Variants in MAPKAP1 observed in about 807,000 individuals in gnomAD.
MAPKAP1 encodes the protein target of rapamycin complex 2 subunit MAPKAP1.
A neutral mutation model predicts 65.7 loss-of-function variants in MAPKAP1; 20 were observed. The observed-to-expected ratio is 0.30, with a 90% CI of 0.21 to 0.44. The LOEUF (loss-of-function observed/expected upper bound fraction) is 0.44, where lower values mean the gene tolerates loss of function less well. MAPKAP1 is among the 20% of genes least tolerant of loss of function. MAPKAP1 has a pLI of 1.00. For missense variants in MAPKAP1, 423 were observed against 648.0 expected (o/e 0.65, Z 3.77); for synonymous variants, 222 against 244.3 (o/e 0.91, Z 0.85).
chr9:125,688,190 T>C (rs545019808), intron 1 of MAPKAP1, among the ~76,000 whole-genome samples: 32 of 152,220 alleles, frequency 2.1e-4, no homozygotes, highest in South Asian at 6.2e-4. Flanking sequence ...CCAGGCTAGA[T>C]TGCAATGGTG....
chr9:125,591,761 A>G (rs181282565), intron 4 of MAPKAP1, among the ~76,000 whole-genome samples: 112 of 152,324 alleles, frequency 7.4e-4, no homozygotes, highest in Middle Eastern at 3.4e-3. Context: ...AATCATCTAA[A>G]ACATAAAACA....
chr9:125,573,084 GT>G lies in MAPKAP1; in HGVS notation c.671+12470del, dbSNP rs1395069692. ...CCTCTGCAACTCTTACGATTAAAGA[GT>G]TCTCTTATAAAAGGGGGGGGGGGGG... is the stretch of plus-strand genomic sequence containing the variant. On this transcript the variant is annotated intron_variant, in intron 5 of 11. Coordinates refer to ENST00000265960, the MANE Select transcript of MAPKAP1 (RefSeq NM_001006617.3). The G allele has an allele frequency of 5.4e-5, 4 of 73,776 alleles. No homozygotes were observed. The Admixed American group carries it at 8.1e-4, about 15-fold the overall frequency. 4.6% of individuals were successfully genotyped at this position (73,776 alleles called of 1,614,324 possible).
intron 4 of MAPKAP1, among the ~76,000 whole-genome samples, chr9:125,648,945 AAAG>A (rs1314049833): frequency 6.6e-6 from 1 of 152,142 alleles, no homozygotes. Context: ...TCAAAAAAAA[AAAG>A]AAAAGAAAAT....
At chr9:125,620,235 G>A (rs753289646) in intron 4 of MAPKAP1, among the ~76,000 whole-genome samples, 3 of 152,222 alleles carry the variant, frequency 2.0e-5, no homozygotes, top group Non-Finnish European at 4.4e-5. Context: ...CTTGAACCCA[G>A]GAGGTGGAGG....
At chr9:125,510,085 C>T (rs926256643) in intron 7 of MAPKAP1, among the ~76,000 whole-genome samples, 1 of 152,124 alleles carries the variant, frequency 6.6e-6, no homozygotes, top group Non-Finnish European at 1.5e-5. Flanking sequence ...CTTATTGAAT[C>T]CTCACAGTAA....
intron 7 of MAPKAP1, among the ~76,000 whole-genome samples, chr9:125,515,982 A>G (rs1170335673): frequency 6.6e-6 from 1 of 152,250 alleles, no homozygotes; most frequent in Non-Finnish European, 1.5e-5. Context: ...GATGATGATG[A>G]TTAAAGTTTA....
intron 10 of MAPKAP1, among the ~76,000 whole-genome samples, chr9:125,458,877 C>T (rs1289260202): frequency 1.4e-3 from 12 of 8,484 alleles, no homozygotes; most frequent in East Asian, 4.5e-3. Context: ...CCGGACGGGG[C>T]CGCTGGCCGG....
At chr9:125,674,404 T>G (rs1230798346) in intron 1 of MAPKAP1, among the ~76,000 whole-genome samples, 1 of 152,260 alleles carries the variant, frequency 6.6e-6, no homozygotes, top group African/African-American at 2.4e-5. Context: ...TAGAGGACAC[T>G]GCAAGTCATC....
At chr9:125,568,297 A>G (rs899235922) in intron 5 of MAPKAP1, among the ~76,000 whole-genome samples, 10 of 152,298 alleles carry the variant, frequency 6.6e-5, no homozygotes, top group African/African-American at 2.2e-4. Flanking sequence ...CTCTTTGCTG[A>G]TGACTGTGGA....
intron 10 of MAPKAP1, among the ~76,000 whole-genome samples, chr9:125,460,716 C>G (rs1853463882): frequency 6.6e-6 from 1 of 152,134 alleles, no homozygotes; most frequent in East Asian, 1.9e-4. Context: ...CACTGAGGGT[C>G]AATAGCAATA....
intron 4 of MAPKAP1, among the ~76,000 whole-genome samples, chr9:125,602,077 A>AC (rs1416819210): frequency 6.6e-6 from 1 of 151,928 alleles, no homozygotes; most frequent in African/African-American, 2.4e-5. Flanking sequence ...ATATAAAGAG[A>AC]CCCCATCTCT....
At chr9:125,509,303 G>C (rs1829234448) in intron 7 of MAPKAP1, among the ~76,000 whole-genome samples, 1 of 152,084 alleles carries the variant, frequency 6.6e-6, no homozygotes, top group Non-Finnish European at 1.5e-5. Flanking sequence ...ATATGTAAAG[G>C]AATAGAGGAA....
intron 1 of MAPKAP1, among the ~76,000 whole-genome samples, chr9:125,689,578 C>G (rs1367585796): frequency 7.0e-6 from 1 of 143,460 alleles, no homozygotes; most frequent in East Asian, 2.1e-4. Context: ...GAAACCTCAT[C>G]TCTACAAAAA....
chr9:125,467,908 C>T, intron 10 of MAPKAP1, 64 bp downstream of exon 10: 4 of 1,549,718 alleles, frequency 2.6e-6, no homozygotes, highest in Non-Finnish European at 2.6e-6. Context: ...TCCTGGCACC[C>T]AGCACACAGA....
intron 5 of MAPKAP1, among the ~76,000 whole-genome samples, chr9:125,576,970 C>G (rs1006013156): frequency 3.9e-5 from 6 of 152,134 alleles, no homozygotes; most frequent in African/African-American, 1.4e-4. Context: ...GCGTCTCTGC[C>G]TGGCCGCCCA....
chr9:125,607,046 G>A (rs902216259), intron 4 of MAPKAP1, among the ~76,000 whole-genome samples: 8 of 152,072 alleles, frequency 5.3e-5, no homozygotes, highest in African/African-American at 1.9e-4. Context: ...TGCCAAAACT[G>A]GAATAATATT....
At chr9:125,682,275 C>T (rs1834847450) in intron 1 of MAPKAP1, among the ~76,000 whole-genome samples, 1 of 152,068 alleles carries the variant, frequency 6.6e-6, no homozygotes, top group Non-Finnish European at 1.5e-5. Context: ...TAAAATGGCA[C>T]TTTATCAATG....
intron 4 of MAPKAP1, among the ~76,000 whole-genome samples, chr9:125,619,284 G>A (rs1291567061): frequency 6.6e-6 from 1 of 152,116 alleles, no homozygotes; most frequent in Non-Finnish European, 1.5e-5. Context: ...GTACTATGGT[G>A]GTGGCAGCGA....
At chr9:125,596,067 G>A (rs1832116700) in intron 4 of MAPKAP1, 2 of 1,179,162 alleles carry the variant, frequency 1.7e-6, no homozygotes, top group African/African-American at 1.5e-5. Context: ...TGAAGTGATT[G>A]AAATCACGAC....
Sources: allele counts gnomAD v4.1 joint callset (sites outside exome capture counted in the v4.1 genomes callset), GRCh38; gene constraint gnomAD v4.1.1; transcripts MANE v1.5; gene names NCBI Gene and HGNC (gene_info 2026-07-23, HGNC 2026-07-21).